The following SLC35A4 variants were observed in gnomAD, a reference collection of about 807,000 sequenced individuals.
The protein encoded by SLC35A4 is solute carrier family 35 member A4.
SLC35A4 carries 9 observed loss-of-function variants against 18.8 expected under a neutral mutation model. That is an observed-to-expected ratio of 0.48 (90% CI 0.29 to 0.83). SLC35A4 has a LOEUF of 0.83. SLC35A4 is among the 40% of genes least tolerant of loss of function. The pLI, the probability that SLC35A4 is intolerant of heterozygous loss-of-function variation, is 0.09. For missense variants in SLC35A4, 404 were observed against 415.5 expected (o/e 0.97, Z 0.24); for synonymous variants, 189 against 191.9 (o/e 0.98, Z 0.13).
intron 2 of SLC35A4, 55 bp from the exon 3 acceptor site, chr5:140,566,510 C>T: frequency 2.4e-6 from 1 of 410,622 alleles, no homozygotes. Flanking sequence ...TTGAGTAGCC[C>T]CTGGACAGTC....
chr5:140,565,835 TAGTC>T (rs1755172130), intron 1 of SLC35A4, 34 bp from the exon 2 acceptor site: 1 of 398,696 alleles, frequency 2.5e-6, no homozygotes, highest in Non-Finnish European at 4.4e-6. Context: ...GGGTGGGGCT[TAGTC>T]AGACTGCTGG....
chr5:140,564,836 C>CG lies in SLC35A4; in HGVS notation c.-723dup, dbSNP rs1414461752. ...GGATGCGCCTGCGCAACAAGTTCGG[C>CG]GGGGAAGATGGCGGATGACAAGGTG... On this transcript the variant is annotated 5_prime_UTR_variant, in exon 1 of 3. Coordinates refer to ENST00000323146, the MANE Select transcript of SLC35A4 (RefSeq NM_080670.4). This position sits in a 1 kb window ranked among gnomAD's most constrained non-coding sequence, Gnocchi z 5.0. The CG allele has an allele frequency of 9.0e-5, 36 of 400,542 alleles. No individual in the cohort carries two copies. Among genetic ancestry groups the CG allele is most frequent in the East Asian group, 8.2e-4 (23 of 27,930 alleles). 24.8% of individuals were successfully genotyped at this position (400,542 alleles called of 1,614,324 possible).
rs775493102 is a variant in SLC35A4, at chr5:140,567,302, C to T, written c.133C>T (p.Arg45Ter). Reference sequence around the variant, plus strand: ...GCTGGCACTGTGCCATGTGGACGGCCGAGTGCCCTTCCGGCCCTCCTCAGC... The same window carrying T: ...GCTGGCACTGTGCCATGTGGACGGCTGAGTGCCCTTCCGGCCCTCCTCAGC... ...PLLALCHVDG[R>*]VPFRPSSAVL... is the part of the protein sequence containing the mutation. The change falls in exon 3 of 3, where the codon CGA (arginine) becomes TGA (stop). Residue 45 changes from arginine (R) to a stop codon, truncating the protein, a stop_gained. Coordinates refer to ENST00000323146, the MANE Select transcript of SLC35A4 (RefSeq NM_080670.4). LOFTEE classifies it high-confidence loss of function. The T allele has an allele frequency of 2.5e-6, 4 of 1,614,174 alleles. No individual in the cohort carries two copies. In the South Asian group the frequency reaches 3.3e-5, roughly 13 times the overall value.
rs1755230061 is a variant in SLC35A4 at position 140,567,787 on chromosome 5, A to G, written c.618A>G (p.Thr206=). ...CLISGLSSVY[T]ELLMKRQRLP... ...TCTCAGGCTTGTCGTCAGTGTACAC[A>G]GAGCTGCTCATGAAGCGACAGCGGC... The change falls in exon 3 of 3, where the codon ACA becomes ACG. Residue 206 remains threonine (T), a synonymous_variant. Transcript: ENST00000323146. The G allele has an allele frequency of 1.2e-6, 2 of 1,613,952 alleles. No homozygotes were observed. Among genetic ancestry groups the G allele is most frequent in the South Asian group, 1.1e-5 (1 of 91,080 alleles).
chr5:140,566,665 CCTGCACTGGCATCTATGCGG>C lies in SLC35A4; in HGVS notation c.-502_-483del, dbSNP rs1246579445. 11 of 495,324 alleles carry C rather than the reference CCTGCACTGGCATCTATGCGG, an allele frequency of 2.2e-5. No individual in the cohort carries two copies. Among genetic ancestry groups the C allele is most frequent in the Non-Finnish European group, 3.5e-5 (10 of 281,740 alleles). 30.7% of individuals were successfully genotyped at this position (495,324 alleles called of 1,614,324 possible). A position where few individuals can be genotyped will look rare whatever the true frequency, so the allele number is the denominator to read the frequency against. On this transcript the variant is annotated 5_prime_UTR_variant, in exon 3 of 3. The change abolishes an upstream ATG in the 5' untranslated region. Coordinates refer to ENST00000323146, the MANE Select transcript of SLC35A4 (RefSeq NM_080670.4). ...GCAGTATTGGGCTTTGCTGTGGGCA[CCTGCACTGGCATCTATGCGG>C]CTCAGGCATATGCTGTGCCCAACGT...
rs1238521520 is a variant in SLC35A4 at position 140,567,835 on chromosome 5, C to G, written c.666C>G (p.Leu222=). Residue 222 remains leucine (L), a synonymous_variant, in exon 3 of 3, where the codon CTC becomes CTG. Coordinates refer to ENST00000323146, the MANE Select transcript of SLC35A4 (RefSeq NM_080670.4). ...RQRLPLALQN[L]FLYTFGVLLN... Reference sequence around the variant, plus strand: ...GGCTGCCCCTGGCACTTCAGAACCTCTTCCTCTACACTTTTGGTGTGCTTC... The same window carrying G: ...GGCTGCCCCTGGCACTTCAGAACCTGTTCCTCTACACTTTTGGTGTGCTTC... The G allele has an allele frequency of 3.1e-6, 5 of 1,614,164 alleles. No homozygotes were observed. The highest frequency in any genetic ancestry group is 4.2e-6 in the Non-Finnish European group (5 of 1,180,042).
Position 140,568,188 on chromosome 5 carries a change from C to T in SLC35A4, c.*44C>T, listed in dbSNP as rs767141450. On this transcript the variant is annotated 3_prime_UTR_variant, in exon 3 of 3. Transcript: ENST00000323146. The stretch of plus-strand genomic sequence containing the variant: ...CTGATTCCGGACCCTGTAGATTGGG[C>T]GCCACCACCAGATCCCCCTCCCAGG... 19 of 1,612,738 alleles carry T rather than the reference C, an allele frequency of 1.2e-5. No homozygotes were observed. The highest frequency in any genetic ancestry group is 2.7e-5 in the African/African-American group (2 of 74,902).
chr5:140,566,266 T>G (rs746558728), intron 2 of SLC35A4, among the ~76,000 whole-genome samples: 3 of 151,962 alleles, frequency 2.0e-5, no homozygotes, highest in Non-Finnish European at 4.4e-5. Flanking sequence ...CTACAGTAGT[T>G]GGGGAGCATG....
At position 140,567,771 on chromosome 5, in the gene SLC35A4, TGTC is replaced by T. The variant is rs760724497; in HGVS notation, c.606_608del (p.Ser203del). On this transcript the variant is annotated inframe_deletion, in exon 3 of 3. Transcript: ENST00000323146. ...ATTCTGTACTGCCTCATCTCAGGCT[TGTC>T]GTCAGTGTACACAGAGCTGCTCATG... 33 of 1,614,134 alleles carry T rather than the reference TGTC, an allele frequency of 2.0e-5. No individual in the cohort carries two copies. The highest frequency in any genetic ancestry group is 2.0e-4 in the East Asian group (9 of 44,882).
In SLC35A4 at chr5:140,568,301, G is replaced by A. The variant is rs546308141; in HGVS notation, c.*157G>A. ...GAGGGCAGCCAGGTTATTCTCTGGAGGTTGGTGGATGAAGGGGTACCCCTA... is the reference window on the plus strand; with the variant it reads ...GAGGGCAGCCAGGTTATTCTCTGGAAGTTGGTGGATGAAGGGGTACCCCTA... On this transcript the variant is annotated 3_prime_UTR_variant, in exon 3 of 3. Transcript: ENST00000323146. 7 of 1,226,446 alleles carry A rather than the reference G, an allele frequency of 5.7e-6. No individual in the cohort carries two copies. In the Admixed American group the frequency reaches 1.4e-4, roughly 25 times the overall value. The allele number at this position is 1,226,446 out of a possible 1,614,324, so 76.0% of individuals were successfully genotyped here.
At position 140,566,634 on chromosome 5, in the gene SLC35A4, G is replaced by T. The variant is rs773572684; in HGVS notation, c.-536G>T. 3.1e-5 allele frequency: 14 copies of T among 445,972 alleles called. No individual in the cohort carries two copies. The highest frequency in any genetic ancestry group is 5.6e-4 in the Middle Eastern group (1 of 1,784). The allele number at this position is 445,972 out of a possible 1,614,324, so 27.6% of individuals were successfully genotyped here. ...TGGCTATGTGGTGGCCAAACTGAGG[G>T]CATCAGCAGTATTGGGCTTTGCTGT... On this transcript the variant is annotated 5_prime_UTR_variant, in exon 3 of 3. Transcript: ENST00000323146.
intron 1 of SLC35A4, 176 bp from the exon 2 acceptor site, chr5:140,565,697 T>G: frequency 2.6e-6 from 1 of 382,504 alleles, no homozygotes. Context: ...TGGCCCTCAT[T>G]TGAATTCTGT....
chr5:140,565,777 C>T, intron 1 of SLC35A4, 96 bp from the exon 2 acceptor site: 1 of 396,844 alleles, frequency 2.5e-6, no homozygotes. Context: ...GTCTTTCTGG[C>T]TCACCCCATC....
In SLC35A4 at chr5:140,567,990, G is replaced by A. The variant is rs1306026676; in HGVS notation, c.821G>A (p.Gly274Asp). ...GLLMSAVMKH[G>D]SSITRLFVVS... ...CTCATGTCTGCTGTCATGAAGCATG[G>A]CAGCAGCATCACACGCCTCTTTGTG... Residue 274 changes from glycine to aspartate, a missense_variant, in exon 3 of 3, where the codon GGC becomes GAC. Physicochemically the swap from Gly to Asp is moderately conservative, Grantham distance 94. Coordinates refer to ENST00000323146, the MANE Select transcript of SLC35A4 (RefSeq NM_080670.4). 10 of 1,614,110 alleles carry A rather than the reference G, an allele frequency of 6.2e-6. No individual in the cohort carries two copies. Among genetic ancestry groups the A allele is most frequent in the Non-Finnish European group, 8.5e-6 (10 of 1,180,016 alleles).
At position 140,564,924 on chromosome 5, in the gene SLC35A4, C is replaced by A. The variant is rs928040537; in HGVS notation, c.-705+66C>A. ...TCACTCTCCTTGACCTTTTTAGTTC[C>A]GGGGAGAAGCGACTCTGGAGCGGCT... On this transcript the variant is annotated intron_variant, in intron 1 of 2. Coordinates refer to ENST00000323146, the MANE Select transcript of SLC35A4 (RefSeq NM_080670.4). This position sits in a 1 kb window ranked among gnomAD's most constrained non-coding sequence, Gnocchi z 5.0. 6 of 325,680 alleles carry A rather than the reference C, an allele frequency of 1.8e-5. No individual in the cohort carries two copies. The Admixed American group carries it at 3.0e-4, about 16-fold the overall frequency. The allele number at this position is 325,680 out of a possible 1,614,324, so 20.2% of individuals were successfully genotyped here.
intron 2 of SLC35A4, 133 bp downstream of exon 2, chr5:140,566,104 T>C (rs1291298358): frequency 2.5e-6 from 1 of 395,940 alleles, no homozygotes; most frequent in African/African-American, 2.1e-5. Context: ...CTAAGGACAA[T>C]TTTTCTGAAT....
At position 140,568,266 on chromosome 5, in the gene SLC35A4, C is replaced by G. The variant is rs780138579; in HGVS notation, c.*122C>G. 94 of 1,505,106 alleles carry G rather than the reference C, an allele frequency of 6.2e-5. No homozygotes were observed. Among genetic ancestry groups the G allele is most frequent in the Non-Finnish European group, 8.3e-5 (91 of 1,101,348 alleles). The allele number at this position is 1,505,106 out of a possible 1,614,324, so 93.2% of individuals were successfully genotyped here. On this transcript the variant is annotated 3_prime_UTR_variant, in exon 3 of 3. Transcript: ENST00000323146. ...TGTAACAAGTGCCTTGTGAGAAAAG[C>G]TGGAGAAGTGAGGGCAGCCAGGTTA...
In SLC35A4 at chr5:140,565,523, G is replaced by A. The variant is rs911273278; in HGVS notation, c.-704-350G>A. The A allele has an allele frequency of 9.5e-5, 16 of 169,138 alleles. No individual in the cohort carries two copies. In the East Asian group the frequency reaches 2.6e-3, roughly 27 times the overall value. 10.5% of individuals were successfully genotyped at this position (169,138 alleles called of 1,614,324 possible). On this transcript the variant is annotated intron_variant, in intron 1 of 2. Transcript: ENST00000323146. ...ATAGTAGCCAAGACAGACTGGTCAC[G>A]ACTTTCAAGGAGCTCATAATGGAGT...
Position 140,567,829 on chromosome 5 carries a change from G to A in SLC35A4, c.660G>A (p.Gln220=). The part of the protein sequence containing the change: ...MKRQRLPLAL[Q]NLFLYTFGVL... ...GACAGCGGCTGCCCCTGGCACTTCA[G>A]AACCTCTTCCTCTACACTTTTGGTG... The change falls in exon 3 of 3, where the codon CAG becomes CAA. Residue 220 remains glutamine (Q), a synonymous_variant. Transcript: ENST00000323146. 1.2e-6 allele frequency: 2 copies of A among 1,614,118 alleles called. No homozygotes were observed. Among genetic ancestry groups the A allele is most frequent in the South Asian group, 2.2e-5 (2 of 91,088 alleles).
Sources: allele counts gnomAD v4.1 joint callset (sites outside exome capture counted in the v4.1 genomes callset), GRCh38; gene constraint gnomAD v4.1.1; non-coding constraint Gnocchi (gnomAD v3.1); transcripts MANE v1.5; gene names NCBI Gene and HGNC (gene_info 2026-07-23, HGNC 2026-07-21).